Variants in DNM3 observed in about 807,000 individuals in gnomAD.
DNM3 encodes the protein dynamin 3.
In DNM3, 47 loss-of-function variants were observed where a neutral mutation model predicts 101.6. That is an observed-to-expected ratio of 0.46 (90% CI 0.37 to 0.59). The LOEUF (loss-of-function observed/expected upper bound fraction) is 0.59. DNM3 is among the 20% of genes least tolerant of loss of function. The pLI is 0.00. For missense variants in DNM3, 849 were observed against 1,085.7 expected, an observed-to-expected ratio of 0.78 and a Z score of 3.06; for synonymous variants, 385 against 387.9, an observed-to-expected ratio of 0.99 and a Z score of 0.09.
In DNM3 at chr1:171,906,929, A is replaced by C. The variant is rs12032718; in HGVS notation, c.162-14819A>C. Among the ~76,000 whole-genome samples the C allele has an allele frequency of 2.9e-4, 44 of 152,384 alleles. 1 individual carries two copies. In the East Asian group the frequency reaches 8.3e-3, roughly 29 times the overall value. ...TAGCCAAGATAATACAGTCTCAGTC[A>C]GAGGTGGAGCTGAGATTTGAACCCA... On this transcript the variant is annotated intron_variant, in intron 1 of 20. Transcript: ENST00000627582.
chr1:172,165,807 TC>T (rs1278345257), intron 14 of DNM3, among the ~76,000 whole-genome samples: 3 of 152,114 alleles, frequency 2.0e-5, no homozygotes, highest in African/African-American at 7.2e-5. Flanking sequence ...GTCTCATCTC[TC>T]CACTAGAATT....
intron 11 of DNM3, among the ~76,000 whole-genome samples, chr1:172,079,376 A>C (rs1434610976): frequency 6.6e-6 from 1 of 151,986 alleles, no homozygotes; most frequent in Non-Finnish European, 1.5e-5. Flanking sequence ...GTTGATCTTC[A>C]ATCTCTGATA....
rs2071198868 is a variant in DNM3 at position 172,411,490 on chromosome 1, T to C, written c.*3649T>C. 1.0e-6 allele frequency: 1 copy of C among 983,522 alleles called. No homozygotes were observed. The highest frequency in any genetic ancestry group is 1.2e-6 in the Non-Finnish European group (1 of 829,338). 60.9% of individuals were successfully genotyped at this position (983,522 alleles called of 1,614,324 possible). A position where few individuals can be genotyped will look rare whatever the true frequency, so the allele number is the denominator to read the frequency against. On this transcript the variant is annotated 3_prime_UTR_variant, in exon 21 of 21. Coordinates refer to ENST00000627582, the MANE Select transcript of DNM3 (RefSeq NM_015569.5). ...ATTTTTGGATTGCTGAGCTGAATCT[T>C]AAAAAGCCAAGTTGATATACATAGT...
intron 15 of DNM3, among the ~76,000 whole-genome samples, chr1:172,307,011 G>A (rs2064851659): frequency 6.6e-6 from 1 of 152,132 alleles, no homozygotes; most frequent in African/African-American, 2.4e-5. Flanking sequence ...CACAACAAAA[G>A]CCAAAATTGA....
chr1:171,915,227 T>G (rs2039620521), intron 1 of DNM3, among the ~76,000 whole-genome samples: 1 of 152,208 alleles, frequency 6.6e-6, no homozygotes, highest in Non-Finnish European at 1.5e-5. Flanking sequence ...TAAAATATTT[T>G]GTAAGTGATA....
At chr1:171,952,143 AAG>A (rs1258958711) in intron 2 of DNM3, among the ~76,000 whole-genome samples, 17 of 152,306 alleles carry the variant, frequency 1.1e-4, no homozygotes, top group Admixed American at 6.5e-4. Flanking sequence ...CTTCAGAGAG[AAG>A]AGATGGCAGA....
chr1:172,119,666 C>T lies in DNM3; in HGVS notation c.1546-11509C>T, dbSNP rs180968075. Among the ~76,000 whole-genome samples the T allele has an allele frequency of 5.9e-4, 90 of 152,254 alleles. 2 individuals are homozygous for T. The South Asian group carries it at 0.011, about 19-fold the overall frequency. On this transcript the variant is annotated intron_variant, in intron 13 of 20. Coordinates refer to ENST00000627582, the MANE Select transcript of DNM3 (RefSeq NM_015569.5). ...CTGCAAACAACAATTCACAAATTTGCACATCTGATCCAGACATCTTTACAG... is the reference window on the plus strand; with the variant it reads ...CTGCAAACAACAATTCACAAATTTGTACATCTGATCCAGACATCTTTACAG...
chr1:171,932,795 A>G (rs2041129611), intron 2 of DNM3, among the ~76,000 whole-genome samples: 1 of 152,234 alleles, frequency 6.6e-6, no homozygotes, highest in African/African-American at 2.4e-5. Context: ...TTCAGTAAAT[A>G]CTCATCATGC....
At chr1:172,101,243 A>G (rs561704718) in intron 13 of DNM3, among the ~76,000 whole-genome samples, 1 of 152,212 alleles carries the variant, frequency 6.6e-6, no homozygotes, top group African/African-American at 2.4e-5. Context: ...AAGGAATATG[A>G]GATGGTTAAT....
At chr1:172,318,997 G>A (rs1053208390) in intron 16 of DNM3, among the ~76,000 whole-genome samples, 1 of 151,540 alleles carries the variant, frequency 6.6e-6, no homozygotes, top group Non-Finnish European at 1.5e-5. Context: ...ATACTACAAG[G>A]CTACAGTAAC....
chr1:172,063,062 G>A (rs773361631), intron 10 of DNM3, among the ~76,000 whole-genome samples: 18 of 152,202 alleles, frequency 1.2e-4, no homozygotes, highest in Non-Finnish European at 2.4e-4. Context: ...CAAGCAGCCA[G>A]CATTTAAAGG....
intron 4 of DNM3, among the ~76,000 whole-genome samples, chr1:172,012,248 G>A (rs1000997651): frequency 4.6e-5 from 7 of 152,016 alleles, no homozygotes; most frequent in African/African-American, 1.2e-4. Flanking sequence ...CCTTAGGGAC[G>A]TAGGGAGTTA....
chr1:172,283,144 C>T (rs191974609), intron 15 of DNM3, among the ~76,000 whole-genome samples: 173 of 152,138 alleles, frequency 1.1e-3, no homozygotes, highest in African/African-American at 4.0e-3. Context: ...CATTTTTTTC[C>T]TCAATGGCAA....
At chr1:172,127,410 T>C (rs1487469792) in intron 13 of DNM3, among the ~76,000 whole-genome samples, 1 of 147,688 alleles carries the variant, frequency 6.8e-6, no homozygotes, top group African/African-American at 2.5e-5. Context: ...ATTATTATTA[T>C]TATTATTATT....
intron 20 of DNM3, chr1:172,400,035 G>A (rs1323706143): frequency 1.3e-5 from 2 of 152,116 alleles, no homozygotes; most frequent in Admixed American, 6.6e-5. Flanking sequence ...CTCTCAGAAA[G>A]GGACAAAAAG....
intron 20 of DNM3, among the ~76,000 whole-genome samples, chr1:172,400,806 T>C (rs2070425934): frequency 1.3e-5 from 2 of 152,306 alleles, no homozygotes; most frequent in South Asian, 2.1e-4. Flanking sequence ...CAACCCTTGA[T>C]TTCTCAAACT....
At chr1:172,049,075 G>A (rs1447936576) in intron 10 of DNM3, among the ~76,000 whole-genome samples, 1 of 152,140 alleles carries the variant, frequency 6.6e-6, no homozygotes, top group African/African-American at 2.4e-5. Context: ...ATGGATGAGG[G>A]TAATTGTTAG....
At chr1:172,407,289 T>C (rs1451855482) in intron 20 of DNM3, among the ~76,000 whole-genome samples, 1 of 151,932 alleles carries the variant, frequency 6.6e-6, no homozygotes, top group East Asian at 1.9e-4. Flanking sequence ...TAGTGCTCTG[T>C]AAATTACAAG....
At chr1:172,187,563 A>T (rs1174114010) in intron 14 of DNM3, among the ~76,000 whole-genome samples, 1 of 151,872 alleles carries the variant, frequency 6.6e-6, no homozygotes, top group African/African-American at 2.4e-5. Flanking sequence ...ATTCAATGAG[A>T]CTATATTTTC....
Sources: gnomAD v4.1 joint callset for allele counts (sites outside exome capture counted in the v4.1 genomes callset) on GRCh38, gnomAD v4.1.1 for gene constraint, MANE v1.5 for transcripts, NCBI Gene and HGNC (gene_info 2026-07-23, HGNC 2026-07-21) for gene names.